Variants in COL5A2 observed in about 807,000 individuals in gnomAD.
The protein encoded by COL5A2 is collagen type V alpha 2 chain, also known as collagen alpha-2(V) chain.
A neutral mutation model predicts 208.2 loss-of-function variants in COL5A2; 23 were observed. The ratio of observed to expected loss-of-function variants is 0.11; its 90% CI spans 0.08 to 0.16. The LOEUF is 0.16. Among genes scored for constraint, COL5A2 ranks in the 10% least tolerant of loss-of-function variants. The pLI, the probability that COL5A2 is intolerant of heterozygous loss-of-function variation, is 1.00. For synonymous variants in COL5A2, 625 were observed against 628.5 expected (o/e 0.99, Z 0.08); for missense variants, 1,590 against 1,956.4 (o/e 0.81, Z 3.53).
At chr2:189,053,400 A>T (rs1685833061) in intron 38 of COL5A2, 24 bp downstream of exon 38, 1 of 1,598,260 alleles carries the variant, frequency 6.3e-7, no homozygotes, top group Admixed American at 1.7e-5. Context: ...TTATTTGTAA[A>T]TTAGGGATAT....
chr2:189,378,655 C>A, the COL5A2 span, among the ~76,000 whole-genome samples: 1 of 149,652 alleles, frequency 6.7e-6, no homozygotes, highest in African/African-American at 2.5e-5. Flanking sequence ...ACCCAGGAGG[C>A]GGAGCTTGCA....
At chr2:189,287,425 G>A in the COL5A2 span, among the ~76,000 whole-genome samples, 1 of 151,928 alleles carries the variant, frequency 6.6e-6, no homozygotes, top group Non-Finnish European at 1.5e-5. Context: ...GACTTGGAAG[G>A]TGGGGAGGTT....
chr2:189,328,521 A>T, the COL5A2 span, among the ~76,000 whole-genome samples: 1 of 152,222 alleles, frequency 6.6e-6, no homozygotes, highest in Admixed American at 6.5e-5. Flanking sequence ...CTTTTTGGAC[A>T]TACCAGTTAA....
At chr2:189,110,923 A>G (rs928651330) in intron 1 of COL5A2, among the ~76,000 whole-genome samples, 15 of 152,168 alleles carry the variant, frequency 9.9e-5, no homozygotes, top group African/African-American at 3.6e-4. Context: ...TGTACCATAG[A>G]AAAAAACTTC....
chr2:189,091,833 T>C (rs1402110884), intron 7 of COL5A2, among the ~76,000 whole-genome samples: 1 of 152,186 alleles, frequency 6.6e-6, no homozygotes, highest in Non-Finnish European at 1.5e-5. Context: ...TTGACTTTAC[T>C]TCAAGTAAAA....
chr2:189,064,602 C>G lies in COL5A2; in HGVS notation c.1671G>C (p.Gln557His), dbSNP rs1686106283. ...GTTCCCCTGGACGTCCTGGATCCCC[C>G]TGGCTTCCTTTGGGTCCTGAAGAAC... ...PVGSSGPKGS[Q>H]GDPGRPGEPG... The change falls in exon 25 of 54, where the codon CAG becomes CAC. Residue 557 changes from glutamine to histidine, a missense_variant. Gln to His is a conservative substitution (Grantham distance 24). Transcript: ENST00000374866. 3 of 1,613,994 alleles carry G rather than the reference C, an allele frequency of 1.9e-6. No individual in the cohort carries two copies. The highest frequency in any genetic ancestry group is 2.5e-6 in the Non-Finnish European group (3 of 1,179,990).
At chr2:189,400,055 A>G in the COL5A2 span, among the ~76,000 whole-genome samples, 1 of 152,260 alleles carries the variant, frequency 6.6e-6, no homozygotes, top group East Asian at 1.9e-4. Flanking sequence ...TGACAGTAAT[A>G]CATCTCTTTA....
chr2:189,225,460 C>A (rs3914778), upstream of COL5A2, among the ~76,000 whole-genome samples: 85,583 of 151,966 alleles, frequency 0.56, 25,948 homozygotes, highest in East Asian at 0.72. Context: ...AAAACTCTTA[C>A]CACAGCTTAT....
the COL5A2 span, among the ~76,000 whole-genome samples, chr2:189,289,648 C>A: frequency 6.6e-6 from 1 of 152,064 alleles, no homozygotes; most frequent in Admixed American, 6.6e-5. Flanking sequence ...CTAGACTCCA[C>A]GGAGAAAGCT....
chr2:189,416,117 T>C, the COL5A2 span, among the ~76,000 whole-genome samples: 6 of 152,252 alleles, frequency 3.9e-5, no homozygotes, highest in South Asian at 2.1e-4. Context: ...TTGGTGGGAC[T>C]GTAAACTAGT....
intron 1 of COL5A2, among the ~76,000 whole-genome samples, chr2:189,130,812 C>T (rs1045197549): frequency 2.0e-5 from 3 of 152,014 alleles, no homozygotes; most frequent in African/African-American, 4.8e-5. Context: ...GCCCAAGTCA[C>T]ATCACAAATG....
chr2:189,187,636 A>G (rs945319047), intron 1 of COL5A2, among the ~76,000 whole-genome samples: 4 of 152,210 alleles, frequency 2.6e-5, no homozygotes, highest in Non-Finnish European at 5.9e-5. Context: ...AGAAACTGTT[A>G]GCGTTTCTTC....
chr2:189,253,793 C>A, the COL5A2 span, among the ~76,000 whole-genome samples: 2 of 152,184 alleles, frequency 1.3e-5, no homozygotes, highest in Non-Finnish European at 1.5e-5. Flanking sequence ...TCATATTATT[C>A]TTGACCCTTA....
chr2:189,117,886 TC>T (rs1468852412), intron 1 of COL5A2, among the ~76,000 whole-genome samples: 1 of 152,136 alleles, frequency 6.6e-6, no homozygotes, highest in Non-Finnish European at 1.5e-5. Flanking sequence ...TATTCTGATA[TC>T]CTAGAATAGT....
chr2:189,245,620 G>C, the COL5A2 span, among the ~76,000 whole-genome samples: 1 of 151,934 alleles, frequency 6.6e-6, no homozygotes, highest in Non-Finnish European at 1.5e-5. Flanking sequence ...GAGTAGCTGG[G>C]ACTACAGGCA....
Position 189,039,259 on chromosome 2 carries a change from G to A in COL5A2, c.3925+13C>T, listed in dbSNP as rs1469930233. 3.7e-6 allele frequency: 6 copies of A among 1,613,366 alleles called. No individual in the cohort carries two copies. Among genetic ancestry groups the A allele is most frequent in the Admixed American group, 1.7e-5 (1 of 59,992 alleles). Reference sequence around the variant, plus strand: ...ACAACGGGTTTTGCTCAAATGGGCTGCTGTCTACTCACCACTCTGCTTTGC... The same window carrying A: ...ACAACGGGTTTTGCTCAAATGGGCTACTGTCTACTCACCACTCTGCTTTGC... On this transcript the variant is annotated intron_variant, in intron 51 of 53. Coordinates refer to ENST00000374866, the MANE Select transcript of COL5A2 (RefSeq NM_000393.5).
At chr2:189,049,610 G>A (rs1685741598) in intron 43 of COL5A2, among the ~76,000 whole-genome samples, 156 bp from the exon 44 acceptor site, 1 of 152,086 alleles carries the variant, frequency 6.6e-6, no homozygotes, top group African/African-American at 2.4e-5. Context: ...TGCTTTCTTA[G>A]AGGCCTGCCC....
chr2:189,067,272 G>A (rs1327973459), intron 21 of COL5A2, among the ~76,000 whole-genome samples: 1 of 152,096 alleles, frequency 6.6e-6, no homozygotes, highest in Non-Finnish European at 1.5e-5. Flanking sequence ...TTCTGTAGGT[G>A]TGTCTTTAAA....
the COL5A2 span, among the ~76,000 whole-genome samples, chr2:189,432,687 C>T: frequency 2.6e-5 from 4 of 152,136 alleles, no homozygotes; most frequent in East Asian, 5.8e-4. Flanking sequence ...AAAGCAAGTC[C>T]TTAGAGACCT....
Sources: gnomAD v4.1 joint callset for allele counts (sites outside exome capture counted in the v4.1 genomes callset) on GRCh38, gnomAD v4.1.1 for gene constraint, MANE v1.5 for transcripts, NCBI Gene and HGNC (gene_info 2026-07-23, HGNC 2026-07-21) for gene names.